PPARD: variants seen among roughly 807,000 people sequenced by gnomAD.
PPARD encodes peroxisome proliferator-activated receptor delta.
Under a neutral mutation model 39.5 loss-of-function variants are expected in PPARD, and 6 were observed. The observed-to-expected ratio is 0.15, with a 90% CI of 0.08 to 0.30. The LOEUF is 0.30. PPARD is among the 10% of genes least tolerant of loss of function. The pLI, the probability that PPARD is intolerant of heterozygous loss-of-function variation, is 1.00. For missense variants in PPARD, 397 were observed against 596.8 expected (o/e 0.67, Z 3.49); for synonymous variants, 210 against 231.3 (o/e 0.91, Z 0.83).
intron 2 of PPARD, among the ~76,000 whole-genome samples, chr6:35,392,154 T>G (rs962539688): frequency 1.3e-5 from 2 of 151,756 alleles, no homozygotes; most frequent in Non-Finnish European, 2.9e-5. Flanking sequence ...CAGCACCAGG[T>G]ATATGCAGCC....
intron 2 of PPARD, among the ~76,000 whole-genome samples, chr6:35,376,995 G>A (rs1426923995): frequency 4.6e-5 from 7 of 151,174 alleles, no homozygotes; most frequent in Admixed American, 1.3e-4. Flanking sequence ...ACTGCAGCCC[G>A]GGCGACAGAG....
rs1554205497 is a variant in PPARD, at chr6:35,374,310, G to GC, written c.-102+27160_-102+27161insC. On this transcript the variant is annotated intron_variant, in intron 2 of 7. Transcript: ENST00000360694. ...AGGTCATGGTTAGTTCTCGGCGGTGGGGCGGGGGGGTTTAGTGGGCAATTG... is the reference window on the plus strand; with the variant it reads ...AGGTCATGGTTAGTTCTCGGCGGTGGCGGCGGGGGGGTTTAGTGGGCAATTG... Among the ~76,000 whole-genome samples, 799 of 145,560 alleles carry GC rather than the reference G, an allele frequency of 5.5e-3. 16 individuals carry two copies. Among genetic ancestry groups the GC allele is most frequent in the African/African-American group, 0.02 (715 of 35,576 alleles).
At position 35,423,960 on chromosome 6, in the gene PPARD, C is replaced by A. The variant is rs769962625; in HGVS notation, c.439C>A (p.Arg147=). 1.2e-6 allele frequency: 2 copies of A among 1,614,032 alleles called. No individual in the cohort carries two copies. The highest frequency in any genetic ancestry group is 4.5e-5 in the East Asian group (2 of 44,876). Residue 147 remains arginine (R), a synonymous_variant, in exon 6 of 8, where the codon CGG becomes AGG. Coordinates refer to ENST00000360694, the MANE Select transcript of PPARD (RefSeq NM_006238.5). Reference sequence around the variant, plus strand: ...TCCCTGTGCAGCTATCCGTTTTGGTCGGATGCCGGAGGCTGAGAAGAGGAA... The same window carrying A: ...TCCCTGTGCAGCTATCCGTTTTGGTAGGATGCCGGAGGCTGAGAAGAGGAA... The part of the protein sequence containing the change: ...GMSHNAIRFG[R]MPEAEKRKLV...
intron 2 of PPARD, among the ~76,000 whole-genome samples, chr6:35,375,635 G>GAA (rs1336330627): frequency 6.6e-6 from 1 of 151,706 alleles, no homozygotes; most frequent in Non-Finnish European, 1.5e-5. Flanking sequence ...CTGTAGCTTT[G>GAA]ACCTCCTGGG....
intron 2 of PPARD, among the ~76,000 whole-genome samples, chr6:35,395,790 C>T (rs766924053): frequency 6.6e-6 from 1 of 152,190 alleles, no homozygotes; most frequent in Non-Finnish European, 1.5e-5. Flanking sequence ...GCTCTGATGG[C>T]TTACTGGCTC....
At chr6:35,370,120 G>A (rs1292006667) in intron 2 of PPARD, among the ~76,000 whole-genome samples, 1 of 152,166 alleles carries the variant, frequency 6.6e-6, no homozygotes, top group African/African-American at 2.4e-5. Context: ...GTGATCTTTT[G>A]AATGATGATA....
At chr6:35,383,262 G>A (rs1057169858) in intron 2 of PPARD, among the ~76,000 whole-genome samples, 2 of 152,180 alleles carry the variant, frequency 1.3e-5, no homozygotes, top group Non-Finnish European at 2.9e-5. Context: ...GAGCAGTTGG[G>A]GTGGCAGGAG....
intron 2 of PPARD, among the ~76,000 whole-genome samples, chr6:35,365,693 G>T (rs1461034292): frequency 1.3e-5 from 2 of 151,482 alleles, no homozygotes; most frequent in African/African-American, 4.9e-5. Flanking sequence ...GTTTCACTTT[G>T]TTGGCCAGGC....
intron 2 of PPARD, among the ~76,000 whole-genome samples, chr6:35,402,141 A>G (rs1176065112): frequency 2.0e-5 from 3 of 152,194 alleles, no homozygotes; most frequent in Admixed American, 1.3e-4. Context: ...AAGGTATCCC[A>G]CGCTCACTGT....
At chr6:35,413,441 T>C (rs1301165026) in intron 3 of PPARD, among the ~76,000 whole-genome samples, 1 of 152,192 alleles carries the variant, frequency 6.6e-6, no homozygotes, top group Non-Finnish European at 1.5e-5. Flanking sequence ...GTTAAAGCTG[T>C]AGTGTATGAA....
chr6:35,363,245 A>C lies in PPARD; in HGVS notation c.-102+16095A>C, dbSNP rs1380967881. Among the ~76,000 whole-genome samples, 1 of 152,146 alleles carries C rather than the reference A, an allele frequency of 6.6e-6. No homozygotes were observed. The highest frequency in any genetic ancestry group is 1.5e-5 in the Non-Finnish European group (1 of 68,016). On this transcript the variant is annotated intron_variant, in intron 2 of 7. Coordinates refer to ENST00000360694, the MANE Select transcript of PPARD (RefSeq NM_006238.5). The surrounding 1 kb of genome is among the most constrained non-coding windows in gnomAD (Gnocchi z 4.5). ...TGGCTTCTCAGGTCTTTTCTGGGCC[A>C]CTTTGGCCTGCACACAGGTTGGGCT...
chr6:35,343,152 C>G (rs535285391), intron 1 of PPARD, among the ~76,000 whole-genome samples: 2 of 152,204 alleles, frequency 1.3e-5, no homozygotes, highest in Admixed American at 6.5e-5. Context: ...TCCTCTGTCC[C>G]CCTCGTTATC....
At chr6:35,396,801 A>C (rs938487585) in intron 2 of PPARD, among the ~76,000 whole-genome samples, 1 of 152,022 alleles carries the variant, frequency 6.6e-6, no homozygotes, top group South Asian at 2.1e-4. Context: ...CTGCACTCCA[A>C]CCTGGGCAAC....
At chr6:35,360,462 T>C (rs1761869852) in intron 2 of PPARD, among the ~76,000 whole-genome samples, 1 of 152,236 alleles carries the variant, frequency 6.6e-6, no homozygotes, top group Non-Finnish European at 1.5e-5. Context: ...AGTCTCATTT[T>C]ACAGACAAGG....
At chr6:35,394,595 A>AC (rs908825145) in intron 2 of PPARD, among the ~76,000 whole-genome samples, 3 of 152,038 alleles carry the variant, frequency 2.0e-5, no homozygotes, top group African/African-American at 7.2e-5. Flanking sequence ...ACATGGTGAA[A>AC]CCCCATCTCT....
intron 2 of PPARD, among the ~76,000 whole-genome samples, chr6:35,382,250 C>T (rs753957606): frequency 2.0e-5 from 3 of 152,178 alleles, no homozygotes; most frequent in African/African-American, 2.4e-5. Context: ...GGAGAGCATT[C>T]GTTCCTGGAC....
In PPARD at chr6:35,342,693, A is replaced by T. The variant is rs1791907138; in HGVS notation, c.-186+12A>T. The T allele has an allele frequency of 6.6e-6, 1 of 152,508 alleles. No homozygotes were observed. The highest frequency in any genetic ancestry group is 2.1e-4 in the South Asian group (1 of 4,842). 9.4% of individuals were successfully genotyped at this position (152,508 alleles called of 1,614,324 possible). A position where few individuals can be genotyped will look rare whatever the true frequency, so the allele number is the denominator to read the frequency against. On this transcript the variant is annotated intron_variant, in intron 1 of 7. Coordinates refer to ENST00000360694, the MANE Select transcript of PPARD (RefSeq NM_006238.5). ...GGCAGCCGGGACAGGTCAGTCCGAG[A>T]CGAGAGAAGCGGTCAGGCAAGTGGC...
intron 2 of PPARD, among the ~76,000 whole-genome samples, chr6:35,382,238 C>A (rs1235654826): frequency 2.0e-5 from 3 of 152,170 alleles, no homozygotes; most frequent in Non-Finnish European, 4.4e-5. Flanking sequence ...AGGCCTGTGG[C>A]AGGAGAGCAT....
At chr6:35,421,190 T>TG (rs969015081) in intron 4 of PPARD, among the ~76,000 whole-genome samples, 2 of 152,084 alleles carry the variant, frequency 1.3e-5, no homozygotes, top group African/African-American at 4.8e-5. Flanking sequence ...CTTGAACTCC[T>TG]GACCTCAGGT....
Sources: allele counts gnomAD v4.1 joint callset (sites outside exome capture counted in the v4.1 genomes callset), GRCh38; gene constraint gnomAD v4.1.1; non-coding constraint Gnocchi (gnomAD v3.1); transcripts MANE v1.5; gene names NCBI Gene and HGNC (gene_info 2026-07-23, HGNC 2026-07-21).